Variants in PRKCE observed in about 807,000 individuals in gnomAD.
PRKCE encodes protein kinase C epsilon.
In PRKCE, 16 loss-of-function variants were observed where a neutral mutation model predicts 85.4. The ratio of observed to expected loss-of-function variants is 0.19; its 90% confidence interval spans 0.13 to 0.28. The LOEUF is 0.28. PRKCE is among the 10% of genes least tolerant of loss of function. PRKCE has a pLI of 1.00. For synonymous variants in PRKCE, 388 were observed against 371.5 expected (o/e 1.04, Z -0.51); for missense variants, 573 against 975.2 (o/e 0.59, Z 5.49).
At chr2:46,042,694 G>T (rs1479030411) in intron 10 of PRKCE, among the ~76,000 whole-genome samples, 2 of 152,186 alleles carry the variant, frequency 1.3e-5, no homozygotes, top group African/African-American at 4.8e-5. Context: ...TGTCTCCCTG[G>T]AGGCTTCTTC....
chr2:45,891,750 C>CTCAG, intron 2 of PRKCE, among the ~76,000 whole-genome samples: 1 of 152,202 alleles, frequency 6.6e-6, no homozygotes, highest in Non-Finnish European at 1.5e-5. Flanking sequence ...GGGCTGCTTC[C>CTCAG]TCTCCCTTCT....
At chr2:46,152,405 C>T (rs546565308) in intron 13 of PRKCE, among the ~76,000 whole-genome samples, 7 of 152,044 alleles carry the variant, frequency 4.6e-5, no homozygotes, top group Non-Finnish European at 1.0e-4. Context: ...TGGCCTTGAA[C>T]TCTTGACCTC....
intron 1 of PRKCE, among the ~76,000 whole-genome samples, chr2:45,668,078 T>C (rs1006427567): frequency 2.0e-5 from 3 of 152,226 alleles, no homozygotes; most frequent in African/African-American, 4.8e-5. Flanking sequence ...CGGTGGCTTA[T>C]GTCTGGAATC....
At chr2:45,679,579 C>CA (rs1405265667) in intron 1 of PRKCE, among the ~76,000 whole-genome samples, 1 of 152,094 alleles carries the variant, frequency 6.6e-6, no homozygotes, top group African/African-American at 2.4e-5. Context: ...CATGGGTGTA[C>CA]AGGTTGTAAT....
intron 14 of PRKCE, among the ~76,000 whole-genome samples, chr2:46,161,395 G>C (rs1471481017): frequency 6.6e-6 from 1 of 152,234 alleles, no homozygotes; most frequent in Admixed American, 6.5e-5. Flanking sequence ...GCTAAGTGAA[G>C]AATCGAGGCC....
intron 14 of PRKCE, among the ~76,000 whole-genome samples, chr2:46,181,622 T>C (rs1679985256): frequency 6.6e-6 from 1 of 152,200 alleles, no homozygotes; most frequent in African/African-American, 2.4e-5. Context: ...TCCTGTAGGA[T>C]CTAGCTTTAC....
At chr2:46,127,984 A>C (rs568617256) in intron 11 of PRKCE, among the ~76,000 whole-genome samples, 7 of 152,370 alleles carry the variant, frequency 4.6e-5, no homozygotes, top group Admixed American at 1.3e-4. Flanking sequence ...CAGGAAGGCC[A>C]AGCCTTGGTG....
At chr2:46,080,815 T>G (rs1668998291) in intron 10 of PRKCE, among the ~76,000 whole-genome samples, 1 of 151,982 alleles carries the variant, frequency 6.6e-6, no homozygotes, top group African/African-American at 2.4e-5. Flanking sequence ...AAAGAACCAC[T>G]CAAGTCCATA....
chr2:46,028,720 A>C (rs1707306068), intron 10 of PRKCE, among the ~76,000 whole-genome samples: 1 of 152,218 alleles, frequency 6.6e-6, no homozygotes, highest in Non-Finnish European at 1.5e-5. Flanking sequence ...TTACATAGGT[A>C]AACTTGTGTC....
chr2:45,660,718 A>G (rs960242695), intron 1 of PRKCE, among the ~76,000 whole-genome samples: 1 of 152,160 alleles, frequency 6.6e-6, no homozygotes, highest in Non-Finnish European at 1.5e-5. Flanking sequence ...GCAAAACATT[A>G]TATTTCTCTC....
chr2:45,747,204 A>G (rs904434438), intron 1 of PRKCE, among the ~76,000 whole-genome samples: 5 of 152,212 alleles, frequency 3.3e-5, no homozygotes, highest in African/African-American at 4.8e-5. Context: ...AATTGTGGTA[A>G]AATACACATG....
chr2:45,778,182 G>T (rs1220794810), intron 1 of PRKCE, among the ~76,000 whole-genome samples: 2 of 152,166 alleles, frequency 1.3e-5, no homozygotes, highest in Non-Finnish European at 2.9e-5. Context: ...TAAGCCAATT[G>T]CTGATGGCTT....
At chr2:45,930,775 G>T (rs371295469) in intron 2 of PRKCE, among the ~76,000 whole-genome samples, 1 of 152,238 alleles carries the variant, frequency 6.6e-6, no homozygotes, top group Non-Finnish European at 1.5e-5. Context: ...AGGAAGGCTT[G>T]ATGTGCAGTC....
intron 2 of PRKCE, among the ~76,000 whole-genome samples, chr2:45,891,860 C>G (rs956217371): frequency 6.6e-6 from 1 of 152,226 alleles, no homozygotes; most frequent in Non-Finnish European, 1.5e-5. Context: ...AGGTGCTCCT[C>G]ACTGTCAGGT....
chr2:45,728,276 C>A (rs1435640332), intron 1 of PRKCE, among the ~76,000 whole-genome samples: 2 of 152,122 alleles, frequency 1.3e-5, no homozygotes, highest in Non-Finnish European at 2.9e-5. Flanking sequence ...GAAATTTCTC[C>A]CTCTTGATTT....
rs192013410 is a variant in PRKCE, at chr2:46,177,742, T to C, written c.2068-6993T>C. ...CACATATCTTTTTGGGGAGACACAATTCAACTCATAACATGGTAAAATTGG... is the reference window on the plus strand; with the variant it reads ...CACATATCTTTTTGGGGAGACACAACTCAACTCATAACATGGTAAAATTGG... On this transcript the variant is annotated intron_variant, in intron 14 of 14. Coordinates refer to ENST00000306156, the MANE Select transcript of PRKCE (RefSeq NM_005400.3). 1.3e-3 allele frequency among the ~76,000 whole-genome samples: 203 copies of C among 152,332 alleles called. 2 individuals carry two copies. The highest frequency in any genetic ancestry group is 5.9e-5 in the Non-Finnish European group (4 of 68,034).
At chr2:45,707,855 C>T (rs537894119) in intron 1 of PRKCE, among the ~76,000 whole-genome samples, 1 of 152,348 alleles carries the variant, frequency 6.6e-6, no homozygotes, top group East Asian at 1.9e-4. Context: ...CTCCTTAGTT[C>T]CCAACTGCCA....
In PRKCE at chr2:45,663,699, C is replaced by T. The variant is rs141030962; in HGVS notation, c.348+11251C>T. 9.4e-3 allele frequency among the ~76,000 whole-genome samples: 1,430 copies of T among 152,138 alleles called. 19 individuals carry two copies. The highest frequency in any genetic ancestry group is 0.033 in the African/African-American group (1,357 of 41,510). On this transcript the variant is annotated intron_variant, in intron 1 of 14. Transcript: ENST00000306156. ...TTGGGAGGCTGAGGCAGGAGAATGG[C>T]ATGAACCCAGGAGGCGGAAGTTGCA...
chr2:45,700,105 G>T (rs1306353275), intron 1 of PRKCE, among the ~76,000 whole-genome samples: 3 of 151,920 alleles, frequency 2.0e-5, no homozygotes, highest in Admixed American at 6.6e-5. Flanking sequence ...GGCCGCCTGG[G>T]GTTGAGGATG....
Sources: allele counts gnomAD v4.1 joint callset (sites outside exome capture counted in the v4.1 genomes callset), GRCh38; gene constraint gnomAD v4.1.1; transcripts MANE v1.5; gene names NCBI Gene and HGNC (gene_info 2026-07-23, HGNC 2026-07-21).